CRHR1: variants seen among roughly 807,000 people sequenced by gnomAD.
The protein encoded by CRHR1 is corticotropin releasing hormone receptor 1, also known as corticotropin-releasing hormone receptor 1.
In CRHR1, 28 loss-of-function variants were observed where a neutral mutation model predicts 56.0. The ratio of observed to expected loss-of-function variants is 0.50; its 90% CI spans 0.37 to 0.69. The LOEUF (loss-of-function observed/expected upper bound fraction) is 0.69, where lower values mean the gene tolerates loss of function less well. CRHR1 is among the 30% of genes least tolerant of loss of function. The probability of loss-of-function intolerance (pLI) is 0.00; values close to 1 mark genes in which losing one functional copy is unlikely to be tolerated. For synonymous variants in CRHR1, 195 were observed against 216.5 expected, an observed-to-expected ratio of 0.90 and a Z score of 0.87; for missense variants, 376 against 548.0, an observed-to-expected ratio of 0.69 and a Z score of 3.13.
chr17:45,832,267 C>G (rs2062330774), intron 8 of CRHR1, among the ~76,000 whole-genome samples: 1 of 152,006 alleles, frequency 6.6e-6, no homozygotes. Flanking sequence ...ACTGTTTGGG[C>G]TAAAGGAGAA....
intron 3 of CRHR1, among the ~76,000 whole-genome samples, chr17:45,817,813 TGGGGGCC>T (rs1227680432): frequency 6.6e-6 from 1 of 152,074 alleles, no homozygotes; most frequent in Non-Finnish European, 1.5e-5. Context: ...GGGAGGGGCT[TGGGGGCC>T]AAGGGGAGGA....
intron 1 of CRHR1, among the ~76,000 whole-genome samples, chr17:45,789,254 G>A (rs1453895127): frequency 1.3e-5 from 2 of 152,192 alleles, no homozygotes; most frequent in East Asian, 1.9e-4. Context: ...CATTTTGAAC[G>A]TAAGGCCAGG....
At chr17:45,791,046 G>T (rs1483703460) in intron 1 of CRHR1, among the ~76,000 whole-genome samples, 1 of 152,204 alleles carries the variant, frequency 6.6e-6, no homozygotes, top group East Asian at 1.9e-4. Flanking sequence ...AGTGGGGAGT[G>T]CCCTCCCTCT....
intron 2 of CRHR1, among the ~76,000 whole-genome samples, chr17:45,814,361 C>T (rs903336788): frequency 2.6e-5 from 4 of 152,158 alleles, no homozygotes; most frequent in Admixed American, 1.3e-4. Flanking sequence ...GTCCCTCACC[C>T]CCTGTGACTG....
intron 1 of CRHR1, among the ~76,000 whole-genome samples, chr17:45,792,838 C>T (rs1421611975): frequency 2.0e-5 from 3 of 152,216 alleles, no homozygotes; most frequent in Non-Finnish European, 4.4e-5. Flanking sequence ...CCACATGGAC[C>T]CCTGGTGACC....
chr17:45,830,020 G>A, intron 5 of CRHR1, 74 bp from the exon 6 acceptor site: 1 of 1,597,334 alleles, frequency 6.3e-7, no homozygotes, highest in Non-Finnish European at 8.5e-7. Context: ...ATCTGGGCTG[G>A]GGTGATGGAG....
chr17:45,789,186 T>C (rs895658216), intron 1 of CRHR1, among the ~76,000 whole-genome samples: 1 of 152,094 alleles, frequency 6.6e-6, no homozygotes, highest in Admixed American at 6.5e-5. Context: ...TAGGGTGATC[T>C]CTCCCAGCTC....
At chr17:45,829,489 C>T in intron 5 of CRHR1, 168 bp downstream of exon 5, 2 of 1,455,562 alleles carry the variant, frequency 1.4e-6, no homozygotes, top group Non-Finnish European at 1.9e-6. Context: ...GGCAGAGCCG[C>T]TCTGCCCTCT....
intron 1 of CRHR1, among the ~76,000 whole-genome samples, chr17:45,802,527 T>C (rs2061642629): frequency 6.6e-6 from 1 of 152,122 alleles, no homozygotes; most frequent in Non-Finnish European, 1.5e-5. Context: ...CTCTGGACTT[T>C]TCATGGAAGT....
intron 7 of CRHR1, 104 bp downstream of exon 7, chr17:45,830,674 C>A: frequency 7.0e-7 from 1 of 1,423,444 alleles, no homozygotes; most frequent in South Asian, 1.3e-5. Flanking sequence ...GGATGGAGGT[C>A]GGGTTGGGGC....
chr17:45,815,554 C>G (rs1310762984), intron 2 of CRHR1, among the ~76,000 whole-genome samples: 3 of 152,198 alleles, frequency 2.0e-5, no homozygotes, highest in Admixed American at 6.5e-5. Context: ...GGGCCCATTT[C>G]CCCATTAAAA....
At chr17:45,824,037 G>T (rs1282055985) in intron 4 of CRHR1, among the ~76,000 whole-genome samples, 1 of 152,224 alleles carries the variant, frequency 6.6e-6, no homozygotes, top group Non-Finnish European at 1.5e-5. Flanking sequence ...CCCACACAGA[G>T]AGCCCACCTG....
At chr17:45,829,362 C>T (rs1367477827) in intron 5 of CRHR1, 41 bp downstream of exon 5, 3 of 1,554,590 alleles carry the variant, frequency 1.9e-6, no homozygotes, top group Non-Finnish European at 2.7e-6. Flanking sequence ...TCCCCAGGAC[C>T]TAGAGCAGAA....
intron 2 of CRHR1, among the ~76,000 whole-genome samples, chr17:45,811,419 T>G (rs1166702217): frequency 1.3e-5 from 2 of 152,360 alleles, no homozygotes; most frequent in Non-Finnish European, 2.9e-5. Flanking sequence ...ACGCATTTGT[T>G]CTGTGCATGT....
At chr17:45,828,625 G>T (rs887361400) in intron 4 of CRHR1, among the ~76,000 whole-genome samples, 1 of 152,226 alleles carries the variant, frequency 6.6e-6, no homozygotes, top group South Asian at 2.1e-4. Flanking sequence ...GATGGGGAAG[G>T]CCCCGGAAAG....
chr17:45,807,075 G>C lies in CRHR1; in HGVS notation c.99G>C (p.Leu33=), dbSNP rs752569982. 4 of 1,614,086 alleles carry C rather than the reference G, an allele frequency of 2.5e-6. No individual in the cohort carries two copies. Among genetic ancestry groups the C allele is most frequent in the Non-Finnish European group, 3.4e-6 (4 of 1,179,994 alleles). ...ASLQDQHCES[L]SLASNISGLQ... ...TCCAGGACCAGCACTGCGAGAGCCT[G>C]TCCCTGGCCAGCAACATCTCAGGTG... Residue 33 remains leucine, a synonymous_variant, in exon 2 of 13, where the codon CTG becomes CTC. Coordinates refer to ENST00000314537, the MANE Select transcript of CRHR1 (RefSeq NM_004382.5).
chr17:45,813,523 G>A (rs1051876441), intron 2 of CRHR1, among the ~76,000 whole-genome samples: 5 of 152,150 alleles, frequency 3.3e-5, no homozygotes, highest in African/African-American at 4.8e-5. Flanking sequence ...TGTCACCAGC[G>A]CCCCCTCTGT....
At chr17:45,833,965 A>G in intron 11 of CRHR1, 42 bp from the exon 12 acceptor site, 2 of 1,613,616 alleles carry the variant, frequency 1.2e-6, no homozygotes, top group Non-Finnish European at 1.7e-6. Context: ...TGGGTGGGCA[A>G]CACCTGCAGC....
At position 45,807,141 on chromosome 17, in the gene CRHR1, A is replaced by G. The variant is rs748617125; in HGVS notation, c.121+44A>G. Reference sequence around the variant, plus strand: ...CTCCTGCAAGATTCCTGGTCACCACAATGCCCCCTACCCCAGGTATCCCAG... The same window carrying G: ...CTCCTGCAAGATTCCTGGTCACCACGATGCCCCCTACCCCAGGTATCCCAG... On this transcript the variant is annotated intron_variant, in intron 2 of 12. Transcript: ENST00000314537. 6.4e-6 allele frequency: 10 copies of G among 1,554,204 alleles called. No individual in the cohort carries two copies. In the East Asian group the frequency reaches 2.2e-4, roughly 35 times the overall value.
Sources: allele counts gnomAD v4.1 joint callset (sites outside exome capture counted in the v4.1 genomes callset), GRCh38; gene constraint gnomAD v4.1.1; transcripts MANE v1.5; gene names NCBI Gene and HGNC (gene_info 2026-07-23, HGNC 2026-07-21).